JARID2: variants seen among roughly 807,000 people sequenced by gnomAD.
The protein encoded by JARID2 is jumonji and AT-rich interaction domain containing 2.
Under a neutral mutation model 125.6 loss-of-function variants are expected in JARID2, and 21 were observed. The observed-to-expected ratio is 0.17, with a 90% confidence interval of 0.12 to 0.24. JARID2 has a LOEUF of 0.24. Ranked by LOEUF, JARID2 falls within the 10% of genes least tolerant of loss-of-function variation. The pLI is 1.00. For missense variants in JARID2, 1,303 were observed against 1,639.6 expected, an observed-to-expected ratio of 0.79 and a Z score of 3.55; for synonymous variants, 736 against 661.6, an observed-to-expected ratio of 1.11 and a Z score of -1.73.
chr6:15,453,738 A>G (rs188558005), intron 4 of JARID2, among the ~76,000 whole-genome samples: 124 of 152,256 alleles, frequency 8.1e-4, no homozygotes, highest in Non-Finnish European at 1.4e-3. Flanking sequence ...TCATCCGTGG[A>G]TCCTCATCAG....
intron 3 of JARID2, among the ~76,000 whole-genome samples, chr6:15,416,236 C>T (rs1179132377): frequency 6.6e-6 from 1 of 151,068 alleles, no homozygotes; most frequent in Non-Finnish European, 1.5e-5. Flanking sequence ...TCCTCATGTC[C>T]CAGACGATGG....
chr6:15,292,363 G>A (rs867342954), intron 1 of JARID2, among the ~76,000 whole-genome samples: 65 of 152,076 alleles, frequency 4.3e-4, no homozygotes, highest in South Asian at 8.3e-4. Flanking sequence ...TTCCATAATA[G>A]CAATTTTAAC....
In JARID2 at chr6:15,386,447, G is replaced by A. The variant is rs548635027; in HGVS notation, c.181+12195G>A. Among the ~76,000 whole-genome samples the A allele has an allele frequency of 7.9e-5, 12 of 151,698 alleles. No homozygotes were observed. The East Asian group carries it at 9.7e-4, about 12-fold the overall frequency. On this transcript the variant is annotated intron_variant, in intron 2 of 17. Coordinates refer to ENST00000341776, the MANE Select transcript of JARID2 (RefSeq NM_004973.4). ...TGTAGATAAAATACCTTCCTATCAC[G>A]CTGAAAAGGTTCCTCCTTCTCCCTT...
chr6:15,265,380 C>CA (rs3831010), intron 1 of JARID2, among the ~76,000 whole-genome samples: 109 of 141,398 alleles, frequency 7.7e-4, no homozygotes, highest in Non-Finnish European at 1.2e-3. Context: ...AAAAAAAAAA[C>CA]AAAAAAAAAC....
chr6:15,507,999 G>T (rs867992609), intron 11 of JARID2, among the ~76,000 whole-genome samples: 1 of 152,244 alleles, frequency 6.6e-6, no homozygotes, highest in African/African-American at 2.4e-5. Context: ...CCTGATGGGG[G>T]TTTTTGGGTT....
chr6:15,296,035 T>G (rs1255889896), intron 1 of JARID2, among the ~76,000 whole-genome samples: 1 of 152,224 alleles, frequency 6.6e-6, no homozygotes, highest in African/African-American at 2.4e-5. Flanking sequence ...AGCCATTTCG[T>G]AAGGCTAGAC....
intron 1 of JARID2, among the ~76,000 whole-genome samples, chr6:15,254,252 C>G (rs773402447): frequency 2.0e-5 from 3 of 152,192 alleles, no homozygotes; most frequent in Non-Finnish European, 2.9e-5. Context: ...ACAAATGCCC[C>G]CACCACATTC....
chr6:15,254,416 C>T (rs1759574636), intron 1 of JARID2, among the ~76,000 whole-genome samples: 1 of 152,114 alleles, frequency 6.6e-6, no homozygotes, highest in South Asian at 2.1e-4. Context: ...AATCATATGC[C>T]CTCAGTCCTC....
chr6:15,343,292 A>T (rs1455490338), intron 1 of JARID2, among the ~76,000 whole-genome samples: 3 of 129,260 alleles, frequency 2.3e-5, no homozygotes, highest in African/African-American at 6.1e-5. Flanking sequence ...TAAGGATTTA[A>T]AAAAAAAAAA....
chr6:15,427,146 G>C (rs539709491), intron 3 of JARID2, among the ~76,000 whole-genome samples: 3 of 152,224 alleles, frequency 2.0e-5, no homozygotes, highest in East Asian at 3.9e-4. Flanking sequence ...TCTCTAGAGA[G>C]GTCTTATTAG....
intron 2 of JARID2, among the ~76,000 whole-genome samples, chr6:15,377,228 T>A (rs2299058): frequency 0.51 from 76,949 of 152,030 alleles, 19,561 homozygotes; most frequent in South Asian, 0.58. Flanking sequence ...TTACAGTTCC[T>A]CATGCCTGGG....
chr6:15,468,193 A>G (rs982553287), intron 4 of JARID2, among the ~76,000 whole-genome samples: 8 of 111,508 alleles, frequency 7.2e-5, no homozygotes, highest in South Asian at 2.8e-4. Flanking sequence ...TTTTAAGTCT[A>G]TTAATTTAGA....
At chr6:15,307,297 C>T (rs1166143729) in intron 1 of JARID2, among the ~76,000 whole-genome samples, 4 of 152,066 alleles carry the variant, frequency 2.6e-5, no homozygotes, top group South Asian at 4.1e-4. Context: ...GTGGCGCTCA[C>T]TGCAGCCTCT....
At chr6:15,486,815 T>TTTTC (rs991001395) in intron 5 of JARID2, among the ~76,000 whole-genome samples, 1 of 147,726 alleles carries the variant, frequency 6.8e-6, no homozygotes, top group African/African-American at 2.6e-5. Context: ...ACTTTTTTTT[T>TTTTC]TTTTTTTTTG....
intron 4 of JARID2, among the ~76,000 whole-genome samples, chr6:15,453,434 A>C (rs766316307): frequency 6.6e-6 from 1 of 152,166 alleles, no homozygotes; most frequent in Non-Finnish European, 1.5e-5. Context: ...AAGGGAAGTG[A>C]TTCCTCCTCC....
intron 1 of JARID2, among the ~76,000 whole-genome samples, chr6:15,370,938 C>T (rs1440936185): frequency 6.6e-6 from 1 of 152,204 alleles, no homozygotes; most frequent in Admixed American, 6.5e-5. Context: ...GTCAACTCAT[C>T]TACTAGATTT....
intron 1 of JARID2, among the ~76,000 whole-genome samples, chr6:15,275,473 T>C (rs1180642173): frequency 6.7e-6 from 1 of 148,430 alleles, no homozygotes; most frequent in Non-Finnish European, 1.5e-5. Flanking sequence ...GTCAGATGCT[T>C]TGAATTAGCT....
intron 1 of JARID2, among the ~76,000 whole-genome samples, chr6:15,318,188 G>A (rs1762240753): frequency 6.6e-6 from 1 of 151,978 alleles, no homozygotes; most frequent in South Asian, 2.1e-4. Flanking sequence ...TGCAGCCTGG[G>A]TTACAAGAGC....
intron 1 of JARID2, among the ~76,000 whole-genome samples, chr6:15,265,982 T>G (rs1760069492): frequency 6.6e-6 from 1 of 152,160 alleles, no homozygotes; most frequent in Non-Finnish European, 1.5e-5. Context: ...ATAATTGTGC[T>G]TCCTTCCTCC....
Sources: gnomAD v4.1 joint callset for allele counts (sites outside exome capture counted in the v4.1 genomes callset) on GRCh38, gnomAD v4.1.1 for gene constraint, MANE v1.5 for transcripts, NCBI Gene and HGNC (gene_info 2026-07-23, HGNC 2026-07-21) for gene names.